Variants in DISC1 observed in about 807,000 individuals in gnomAD.
The protein encoded by DISC1 is disrupted in schizophrenia 1 protein.
DISC1 carries 57 observed loss-of-function variants against 84.5 expected under a neutral mutation model. The observed-to-expected ratio is 0.67, with a 90% CI of 0.55 to 0.84. The LOEUF (loss-of-function observed/expected upper bound fraction) is 0.84, where lower values mean the gene tolerates loss of function less well. Among genes scored for constraint, DISC1 ranks in the 40% least tolerant of loss-of-function variants. The probability of loss-of-function intolerance (pLI) is 0.00; values close to 1 mark genes in which losing one functional copy is unlikely to be tolerated. For synonymous variants in DISC1, 411 were observed against 415.2 expected, an observed-to-expected ratio of 0.99 and a Z score of 0.12; for missense variants, 1,000 against 1,057.8, an observed-to-expected ratio of 0.95 and a Z score of 0.76.
chr1:231,919,535 T>C (rs2089868352), intron 9 of DISC1, among the ~76,000 whole-genome samples: 1 of 152,234 alleles, frequency 6.6e-6, no homozygotes, highest in Admixed American at 6.5e-5. Context: ...CAGGGAACTT[T>C]GCTGTGGGGA....
intron 11 of DISC1, among the ~76,000 whole-genome samples, chr1:232,011,781 A>T (rs1293156259): frequency 1.3e-5 from 2 of 152,104 alleles, no homozygotes; most frequent in Non-Finnish European, 1.5e-5. Context: ...CAATTATTTT[A>T]AAAAGTTTTT....
chr1:231,939,112 CT>C (rs2091151737), intron 9 of DISC1, among the ~76,000 whole-genome samples: 1 of 152,154 alleles, frequency 6.6e-6, no homozygotes, highest in African/African-American at 2.4e-5. Flanking sequence ...TACCACTTTG[CT>C]TATTATTAGC....
intron 5 of DISC1, 31 bp downstream of exon 5, chr1:231,767,300 G>A (rs763900831): frequency 6.2e-7 from 1 of 1,613,768 alleles, no homozygotes; most frequent in East Asian, 2.2e-5. Context: ...CAAGAAATAT[G>A]ATGGCATTTT....
chr1:231,865,616 T>A (rs913172920), intron 9 of DISC1, among the ~76,000 whole-genome samples: 1 of 152,162 alleles, frequency 6.6e-6, no homozygotes, highest in African/African-American at 2.4e-5. Flanking sequence ...CATTCTCCCT[T>A]CCCCCAGCCT....
intron 9 of DISC1, among the ~76,000 whole-genome samples, chr1:231,953,686 A>G (rs1280291370): frequency 6.6e-6 from 1 of 152,212 alleles, no homozygotes; most frequent in African/African-American, 2.4e-5. Flanking sequence ...ACTTATTTTC[A>G]TAAATGTAGG....
At chr1:231,953,332 G>A (rs973903747) in intron 9 of DISC1, among the ~76,000 whole-genome samples, 7 of 152,054 alleles carry the variant, frequency 4.6e-5, no homozygotes, top group South Asian at 2.1e-4. Context: ...TTTCACTCAC[G>A]TAGGACTTCA....
chr1:231,687,142 G>A (rs1365015014), intron 1 of DISC1, among the ~76,000 whole-genome samples: 1 of 152,124 alleles, frequency 6.6e-6, no homozygotes, highest in African/African-American at 2.4e-5. Flanking sequence ...CCTCCAGACT[G>A]TTCCAGCCTC....
At chr1:231,909,746 G>T (rs541533750) in intron 9 of DISC1, among the ~76,000 whole-genome samples, 29 of 152,152 alleles carry the variant, frequency 1.9e-4, no homozygotes, top group Non-Finnish European at 3.1e-4. Flanking sequence ...CAGAAGGAAT[G>T]GTAGGTACCA....
intron 3 of DISC1, among the ~76,000 whole-genome samples, chr1:231,725,936 G>A (rs2070619892): frequency 6.6e-6 from 1 of 152,144 alleles, no homozygotes; most frequent in Non-Finnish European, 1.5e-5. Context: ...AGCATTGTTA[G>A]GGAGTGGCAG....
intron 9 of DISC1, among the ~76,000 whole-genome samples, chr1:231,870,557 G>C (rs1266865347): frequency 6.6e-6 from 1 of 152,196 alleles, no homozygotes; most frequent in Non-Finnish European, 1.5e-5. Context: ...CTGGAGCAGG[G>C]TGTGCTGCCC....
intron 9 of DISC1, among the ~76,000 whole-genome samples, chr1:231,943,516 A>AT (rs2091459675): frequency 6.6e-6 from 1 of 150,970 alleles, no homozygotes; most frequent in Non-Finnish European, 1.5e-5. Context: ...ACCCTAGTAC[A>AT]GGAGGTGGTT....
intron 9 of DISC1, among the ~76,000 whole-genome samples, chr1:231,845,039 C>A (rs1387690825): frequency 2.6e-5 from 4 of 152,016 alleles, no homozygotes; most frequent in Admixed American, 2.6e-4. Context: ...GCAGCTGAAG[C>A]CTCCAGGTGG....
chr1:231,726,895 G>A (rs2070795165), intron 3 of DISC1, among the ~76,000 whole-genome samples: 2 of 152,174 alleles, frequency 1.3e-5, no homozygotes, highest in African/African-American at 4.8e-5. Flanking sequence ...GGACAAATAA[G>A]GGTCTGCAGT....
At chr1:231,789,785 C>CA (rs1366278946) in intron 6 of DISC1, among the ~76,000 whole-genome samples, 1 of 152,052 alleles carries the variant, frequency 6.6e-6, no homozygotes, top group East Asian at 1.9e-4. Flanking sequence ...GGCTGAAAAG[C>CA]AATCTGTCCC....
chr1:231,758,406 G>A (rs189480858), intron 4 of DISC1, among the ~76,000 whole-genome samples: 25 of 152,110 alleles, frequency 1.6e-4, no homozygotes, highest in Admixed American at 7.9e-4. Context: ...CTCCCATGTG[G>A]GCCAGGTTTG....
At chr1:231,639,299 C>G (rs777523801) in intron 1 of DISC1, among the ~76,000 whole-genome samples, 8 of 152,212 alleles carry the variant, frequency 5.3e-5, no homozygotes, top group African/African-American at 1.9e-4. Flanking sequence ...TTCTCCATAT[C>G]AAAGCACATT....
At chr1:231,927,849 C>G (rs1443434150) in intron 9 of DISC1, among the ~76,000 whole-genome samples, 1 of 152,188 alleles carries the variant, frequency 6.6e-6, no homozygotes, top group Non-Finnish European at 1.5e-5. Context: ...CTCCCAACAC[C>G]TATACCTGGC....
At chr1:231,738,024 A>G (rs2072749087) in intron 3 of DISC1, among the ~76,000 whole-genome samples, 1 of 152,030 alleles carries the variant, frequency 6.6e-6, no homozygotes, top group Non-Finnish European at 1.5e-5. Context: ...CACCTGGCTA[A>G]TTTTTTGTAG....
intron 3 of DISC1, among the ~76,000 whole-genome samples, chr1:231,734,802 G>T (rs1167594583): frequency 1.3e-5 from 2 of 152,106 alleles, no homozygotes; most frequent in Non-Finnish European, 2.9e-5. Flanking sequence ...ATCTCCAAAG[G>T]TTTGTTTTTC....
Sources: gnomAD v4.1 joint callset for allele counts (sites outside exome capture counted in the v4.1 genomes callset) on GRCh38, gnomAD v4.1.1 for gene constraint, MANE v1.5 for transcripts, NCBI Gene and HGNC (gene_info 2026-07-23, HGNC 2026-07-21) for gene names.